Variants in DSTYK observed in about 807,000 individuals in gnomAD.
DSTYK encodes RIP-homologous kinase.
In DSTYK, 34 loss-of-function variants were observed where a neutral mutation model predicts 98.7. The ratio of observed to expected loss-of-function variants is 0.34; its 90% CI spans 0.26 to 0.46. The LOEUF (loss-of-function observed/expected upper bound fraction) is 0.46, where lower values mean the gene tolerates loss of function less well. DSTYK is among the 20% of genes least tolerant of loss of function. DSTYK has a pLI of 1.00. For synonymous variants in DSTYK, 462 were observed against 457.3 expected, an observed-to-expected ratio of 1.01 and a Z score of -0.13; for missense variants, 962 against 1,181.7, an observed-to-expected ratio of 0.81 and a Z score of 2.73.
chr1:205,154,040 TAAA>T (rs1231541821), intron 10 of DSTYK, among the ~76,000 whole-genome samples: 1 of 140,792 alleles, frequency 7.1e-6, no homozygotes, highest in East Asian at 2.2e-4. Context: ...TATAGCTCAG[TAAA>T]AAAGTATGCA....
chr1:205,163,872 A>C lies in DSTYK; in HGVS notation c.1408T>G (p.Ser470Ala), dbSNP rs754789156. 7 of 1,613,998 alleles carry C rather than the reference A, an allele frequency of 4.3e-6. No homozygotes were observed. The highest frequency in any genetic ancestry group is 5.1e-6 in the Non-Finnish European group (6 of 1,180,016). ...CIRQIQELII[S>A]RLNQAVANKL... ...TTAGCCACTGCCTGATTAAGTCGGG[A>C]GATGATGAGTTCCTGGATCTGTCGG... The change falls in exon 4 of 13, where the codon TCC (serine) becomes GCC (alanine). Residue 470 changes from serine (S) to alanine (A), a missense_variant. Physicochemically the swap from Ser to Ala is moderately conservative, Grantham distance 99. Around this residue, in one of 4 missense-constraint regions of DSTYK, gnomAD observed 660 missense variants for 855.0 expected, o/e 0.77. Coordinates refer to ENST00000367162, the MANE Select transcript of DSTYK (RefSeq NM_015375.3).
In DSTYK at chr1:205,147,460, G is replaced by A; in HGVS notation, c.*98C>T. 1.5e-6 allele frequency: 2 copies of A among 1,338,800 alleles called. No individual in the cohort carries two copies. 82.9% of individuals were successfully genotyped at this position (1,338,800 alleles called of 1,614,324 possible). ...TCCCAGCAAGCACCAGTTCCCTTGG[G>A]AGTGTGTCCTATAGTGAATAAATGT... On this transcript the variant is annotated 3_prime_UTR_variant, in exon 13 of 13. Transcript: ENST00000367162.
intron 1 of DSTYK, among the ~76,000 whole-genome samples, chr1:205,211,012 G>T (rs916249932): frequency 1.9e-4 from 29 of 152,226 alleles, no homozygotes; most frequent in Admixed American, 1.9e-3. Flanking sequence ...CGGTCCCCGG[G>T]GTCCCGCTCC....
rs570581936 is a variant in DSTYK at position 205,187,033 on chromosome 1, T to C, written c.654+385A>G. 2.0e-5 allele frequency among the ~76,000 whole-genome samples: 3 copies of C among 152,340 alleles called. No homozygotes were observed. In the South Asian group the frequency reaches 6.2e-4, roughly 32 times the overall value. ...ACTCATCCATCATCTATCATTCCTT[T>C]TAGAAAGAGGTAACTAGAGACAATT... On this transcript the variant is annotated intron_variant, in intron 2 of 12. Transcript: ENST00000367162.
chr1:205,203,610 A>G (rs1339487558), intron 1 of DSTYK, among the ~76,000 whole-genome samples: 7 of 140,028 alleles, frequency 5.0e-5, no homozygotes, highest in African/African-American at 1.1e-4. Flanking sequence ...GAATTTCCCA[A>G]TGTTTTTTAA....
In DSTYK at chr1:205,142,744, A is replaced by G. The variant is rs1034324599; in HGVS notation, c.*4814T>C. ...AAAGACTGAAGTGTGTGCCAAAGTC[A>G]TTGTCTTTTGTTATTGCACTTTTAT... On this transcript the variant is annotated 3_prime_UTR_variant, in exon 13 of 13. Coordinates refer to ENST00000367162, the MANE Select transcript of DSTYK (RefSeq NM_015375.3). 3.9e-5 allele frequency: 6 copies of G among 152,200 alleles called. No individual in the cohort carries two copies. The highest frequency in any genetic ancestry group is 1.4e-4 in the African/African-American group (6 of 41,432). The allele number at this position is 152,200 out of a possible 1,614,324, so 9.4% of individuals were successfully genotyped here.
At chr1:205,193,595 G>A (rs976364645) in intron 1 of DSTYK, among the ~76,000 whole-genome samples, 2 of 152,116 alleles carry the variant, frequency 1.3e-5, no homozygotes, top group African/African-American at 4.8e-5. Flanking sequence ...CCCTGGCCGG[G>A]CACAGTGGCT....
intron 10 of DSTYK, among the ~76,000 whole-genome samples, chr1:205,151,058 T>C (rs556561131): frequency 3.9e-5 from 6 of 152,344 alleles, no homozygotes; most frequent in African/African-American, 1.4e-4. Context: ...CTGAATACCA[T>C]AGGCAACTGT....
At chr1:205,184,328 T>C (rs1658504645) in intron 2 of DSTYK, among the ~76,000 whole-genome samples, 1 of 151,884 alleles carries the variant, frequency 6.6e-6, no homozygotes, top group Non-Finnish European at 1.5e-5. Flanking sequence ...ATCCCAGCAC[T>C]TTGGGAGGGT....
chr1:205,195,459 A>G (rs1658838854), intron 1 of DSTYK, among the ~76,000 whole-genome samples: 1 of 152,224 alleles, frequency 6.6e-6, no homozygotes, highest in Non-Finnish European at 1.5e-5. Flanking sequence ...TATCCTTCCT[A>G]AACAAGCTCT....
At position 205,145,637 on chromosome 1, in the gene DSTYK, T is replaced by A. The variant is rs1315394023; in HGVS notation, c.*1921A>T. Reference sequence around the variant, plus strand: ...TCTGCCTCCCGGGTTCAAGTGATTCTCCTGCCTCAGCCTCCCAAGTAGCTG... The same window carrying A: ...TCTGCCTCCCGGGTTCAAGTGATTCACCTGCCTCAGCCTCCCAAGTAGCTG... On this transcript the variant is annotated 3_prime_UTR_variant, in exon 13 of 13. Transcript: ENST00000367162. 1 of 151,094 alleles carries A rather than the reference T, an allele frequency of 6.6e-6. No individual in the cohort carries two copies. The highest frequency in any genetic ancestry group is 1.5e-5 in the Non-Finnish European group (1 of 67,910). The allele number at this position is 151,094 out of a possible 1,614,324, so 9.4% of individuals were successfully genotyped here.
chr1:205,176,045 T>C (rs1463472915), intron 2 of DSTYK, among the ~76,000 whole-genome samples: 1 of 152,178 alleles, frequency 6.6e-6, no homozygotes, highest in Non-Finnish European at 1.5e-5. Context: ...TCTCAAGGAA[T>C]CATGACAATA....
intron 2 of DSTYK, among the ~76,000 whole-genome samples, chr1:205,179,874 A>G (rs1019834204): frequency 2.6e-5 from 4 of 152,166 alleles, no homozygotes; most frequent in Non-Finnish European, 5.9e-5. Context: ...AAGATTCCCT[A>G]CCCCATCCAT....
intron 1 of DSTYK, among the ~76,000 whole-genome samples, chr1:205,198,718 T>G (rs957225117): frequency 6.6e-6 from 1 of 151,978 alleles, no homozygotes; most frequent in Non-Finnish European, 1.5e-5. Flanking sequence ...TTGACTTGAT[T>G]TAAAAAAAAC....
chr1:205,209,334 T>C (rs969396416), intron 1 of DSTYK, among the ~76,000 whole-genome samples: 2 of 152,122 alleles, frequency 1.3e-5, no homozygotes, highest in Non-Finnish European at 2.9e-5. Flanking sequence ...CTGTTATGGG[T>C]GCGGGTGAAA....
intron 11 of DSTYK, among the ~76,000 whole-genome samples, chr1:205,148,701 T>C (rs1262192640): frequency 4.6e-5 from 7 of 152,258 alleles, no homozygotes; most frequent in African/African-American, 1.4e-4. Flanking sequence ...CAGAATATAA[T>C]AATTTTTAAA....
chr1:205,176,875 T>C (rs968591928), intron 2 of DSTYK, among the ~76,000 whole-genome samples: 21 of 152,114 alleles, frequency 1.4e-4, no homozygotes, highest in African/African-American at 5.1e-4. Flanking sequence ...AAAACTCTAT[T>C]ATAACAAAGG....
At chr1:205,210,644 T>G (rs1659342895) in intron 1 of DSTYK, among the ~76,000 whole-genome samples, 1 of 152,150 alleles carries the variant, frequency 6.6e-6, no homozygotes, top group Non-Finnish European at 1.5e-5. Flanking sequence ...ATCCCTTCCC[T>G]CTCTTCTTCA....
chr1:205,174,545 T>A (rs546179866), intron 2 of DSTYK, among the ~76,000 whole-genome samples: 1 of 146,148 alleles, frequency 6.8e-6, no homozygotes, highest in East Asian at 2.1e-4. Flanking sequence ...TAGCTGGGCA[T>A]GGTGGCATAT....
Sources: gnomAD v4.1 joint callset for allele counts (sites outside exome capture counted in the v4.1 genomes callset) on GRCh38, gnomAD v4.1.1 for gene constraint, gnomAD v4.1.1 regional missense constraint, MANE v1.5 for transcripts, NCBI Gene and HGNC (gene_info 2026-07-23, HGNC 2026-07-21) for gene names.